RTF2: variants seen among roughly 807,000 people sequenced by gnomAD.
RTF2 encodes replication termination factor 2.
RTF2 carries 18 observed loss-of-function variants against 38.0 expected under a neutral mutation model. That is an observed-to-expected ratio of 0.47 (90% CI 0.33 to 0.70). RTF2 has a LOEUF of 0.70. Among genes scored for constraint, RTF2 ranks in the 30% least tolerant of loss-of-function variants. The pLI is 0.02. For synonymous variants in RTF2, 126 were observed against 137.1 expected (o/e 0.92, Z 0.57); for missense variants, 311 against 379.6 (o/e 0.82, Z 1.50).
At chr20:56,485,768 T>C (rs1269798365) in intron 5 of RTF2, among the ~76,000 whole-genome samples, 1 of 152,218 alleles carries the variant, frequency 6.6e-6, no homozygotes, top group African/African-American at 2.4e-5. Context: ...ATTAAGATGA[T>C]GGCATAGATT....
At chr20:56,481,683 G>A (rs576292326) in intron 4 of RTF2, among the ~76,000 whole-genome samples, 25 of 152,152 alleles carry the variant, frequency 1.6e-4, no homozygotes, top group African/African-American at 5.8e-4. Context: ...ACATAAAATT[G>A]GCCATTTTAA....
intron 5 of RTF2, among the ~76,000 whole-genome samples, chr20:56,487,548 A>G (rs1982861138): frequency 6.6e-6 from 1 of 152,232 alleles, no homozygotes; most frequent in African/African-American, 2.4e-5. Flanking sequence ...AAATTGTCTT[A>G]AAGATACATC....
At chr20:56,477,426 A>G (rs1982312382) in intron 4 of RTF2, among the ~76,000 whole-genome samples, 1 of 152,244 alleles carries the variant, frequency 6.6e-6, no homozygotes, top group Non-Finnish European at 1.5e-5. Flanking sequence ...ACCTGAGTTT[A>G]GTTCTTAGAT....
intron 5 of RTF2, among the ~76,000 whole-genome samples, chr20:56,488,360 CA>C (rs961941699): frequency 1.5e-4 from 21 of 137,082 alleles, no homozygotes; most frequent in Non-Finnish European, 1.9e-4. Flanking sequence ...GACTCTGTCT[CA>C]AAAAAAAAAA....
intron 4 of RTF2, among the ~76,000 whole-genome samples, chr20:56,483,737 T>G (rs1982640980): frequency 6.6e-6 from 1 of 152,226 alleles, no homozygotes; most frequent in Admixed American, 6.5e-5. Context: ...TTATATATTT[T>G]TTGTACGAAC....
intron 1 of RTF2, chr20:56,471,763 C>T (rs1318344838): frequency 6.6e-6 from 1 of 152,208 alleles, no homozygotes; most frequent in Non-Finnish European, 1.5e-5. Flanking sequence ...CCCCAACTCT[C>T]TGAGGTGCTT....
At chr20:56,489,628 C>T (rs1405719707) in intron 5 of RTF2, among the ~76,000 whole-genome samples, 1 of 152,168 alleles carries the variant, frequency 6.6e-6, no homozygotes, top group Non-Finnish European at 1.5e-5. Context: ...TGAGCACTTC[C>T]CCACCCAGGA....
intron 5 of RTF2, among the ~76,000 whole-genome samples, chr20:56,506,493 T>C (rs377014056): frequency 2.2e-4 from 33 of 152,296 alleles, no homozygotes; most frequent in African/African-American, 7.0e-4. Context: ...AATATCTAGA[T>C]ACATTAGCAT....
At position 56,491,382 on chromosome 20, in the gene RTF2, C is replaced by G. The variant is rs953901993; in HGVS notation, c.477+7193C>G. On this transcript the variant is annotated intron_variant, in intron 5 of 8. Coordinates refer to ENST00000357348, the MANE Select transcript of RTF2 (RefSeq NM_016407.5). The stretch of plus-strand genomic sequence containing the variant: ...AGTTTTTTTGTCTTGTGATTTCTTT[C>G]CCAAAGCTATAAAAGTGGCCTGTAA... 2.7e-5 allele frequency: 16 copies of G among 594,230 alleles called. No homozygotes were observed. The Admixed American group carries it at 4.9e-4, about 18-fold the overall frequency. The allele number at this position is 594,230 out of a possible 1,614,324, so 36.8% of individuals were successfully genotyped here.
At position 56,468,722 on chromosome 20, in the gene RTF2, C is replaced by A. The variant is rs894864891; in HGVS notation, c.25C>A (p.Pro9Thr). 1 of 1,589,390 alleles carries A rather than the reference C, an allele frequency of 6.3e-7. No individual in the cohort carries two copies. Among genetic ancestry groups the A allele is most frequent in the South Asian group, 1.1e-5 (1 of 87,396 alleles). Residue 9 changes from proline (P) to threonine (T), a missense_variant, in exon 1 of 9, where the codon CCC becomes ACC. Pro to Thr is a conservative substitution (Grantham distance 38). Transcript: ENST00000357348. ...GATGGGTTGCGACGGGGGAACAATC[C>A]CCAAGAGGCATGAACTGGTGAAGGG... MGCDGGTI[P>T]KRHELVKGPK... is the part of the protein sequence containing the mutation.
chr20:56,494,154 G>A (rs1472121707), intron 5 of RTF2, among the ~76,000 whole-genome samples: 1 of 152,220 alleles, frequency 6.6e-6, no homozygotes, highest in East Asian at 1.9e-4. Context: ...CCTACTTAGG[G>A]TGCTGACTCT....
chr20:56,486,684 CA>C (rs1982810576), intron 5 of RTF2, among the ~76,000 whole-genome samples: 1 of 151,980 alleles, frequency 6.6e-6, no homozygotes, highest in Non-Finnish European at 1.5e-5. Flanking sequence ...ATAAAGTTAG[CA>C]GTTAAAATTA....
At chr20:56,484,255 C>T (rs777724106) in intron 5 of RTF2, 66 bp downstream of exon 5, 2 of 1,275,046 alleles carry the variant, frequency 1.6e-6, no homozygotes, top group Non-Finnish European at 2.3e-6. Context: ...GTTTAGGGTC[C>T]TTTCCCTCCA....
chr20:56,478,925 A>G (rs1040463528), intron 4 of RTF2, among the ~76,000 whole-genome samples: 2 of 152,236 alleles, frequency 1.3e-5, no homozygotes, highest in Admixed American at 6.5e-5. Flanking sequence ...TATCATAACA[A>G]TATTCACAGC....
chr20:56,476,703 T>C (rs1982263904), intron 3 of RTF2, among the ~76,000 whole-genome samples: 1 of 152,104 alleles, frequency 6.6e-6, no homozygotes. Flanking sequence ...TTCTCCATGT[T>C]GGTCAGGCTG....
At chr20:56,473,475 A>G (rs1982075337) in intron 2 of RTF2, 80 bp downstream of exon 2, 2 of 1,041,608 alleles carry the variant, frequency 1.9e-6, no homozygotes, top group Admixed American at 3.7e-5. Flanking sequence ...TTTTCCATTC[A>G]TCAAGCGTGG....
chr20:56,513,065 C>A (rs1984787037), intron 5 of RTF2, among the ~76,000 whole-genome samples: 2 of 152,316 alleles, frequency 1.3e-5, no homozygotes, highest in South Asian at 2.1e-4. Flanking sequence ...ATGGCGGGAA[C>A]CCTCCCAAAA....
chr20:56,492,267 G>A (rs896304862), intron 5 of RTF2, among the ~76,000 whole-genome samples: 4 of 151,388 alleles, frequency 2.6e-5, no homozygotes, highest in Admixed American at 6.6e-5. Flanking sequence ...TTATAGAAAC[G>A]GGATTTCGCC....
Position 56,518,447 on chromosome 20 carries a change from G to T in RTF2, c.*182G>T. 1 of 577,526 alleles carries T rather than the reference G, an allele frequency of 1.7e-6. No homozygotes were observed. The highest frequency in any genetic ancestry group is 2.6e-5 in the South Asian group (1 of 38,328). The allele number at this position is 577,526 out of a possible 1,614,324, so 35.8% of individuals were successfully genotyped here. A position where few individuals can be genotyped will look rare whatever the true frequency, so the allele number is the denominator to read the frequency against. On this transcript the variant is annotated 3_prime_UTR_variant, in exon 9 of 9. Coordinates refer to ENST00000357348, the MANE Select transcript of RTF2 (RefSeq NM_016407.5). ...TGTGAGGCGTGTCGGTTCCAGGGGG[G>T]ACATGGGAGGGGCTGCACAGTGGCC...
Sources: allele counts gnomAD v4.1 joint callset (sites outside exome capture counted in the v4.1 genomes callset), GRCh38; gene constraint gnomAD v4.1.1; transcripts MANE v1.5; gene names NCBI Gene and HGNC (gene_info 2026-07-23, HGNC 2026-07-21).